The following BRD7 variants were observed in gnomAD, a reference collection of about 807,000 sequenced individuals.
BRD7 encodes the protein bromodomain containing 7.
BRD7 carries 15 observed loss-of-function variants against 82.1 expected under a neutral mutation model. The ratio of observed to expected loss-of-function variants is 0.18; its 90% CI spans 0.12 to 0.28. The LOEUF is 0.28. Among genes scored for constraint, BRD7 ranks in the 10% least tolerant of loss-of-function variants. The pLI is 1.00. For synonymous variants in BRD7, 232 were observed against 266.9 expected, an observed-to-expected ratio of 0.87 and a Z score of 1.27; for missense variants, 638 against 779.9, an observed-to-expected ratio of 0.82 and a Z score of 2.17.
At chr16:50,356,714 GA>G (rs536117005) in intron 2 of BRD7, among the ~76,000 whole-genome samples, 23,522 of 120,576 alleles carry the variant, frequency 0.2, 2,068 homozygotes, top group Middle Eastern at 0.25. Flanking sequence ...TTCCTTAGGG[GA>G]AAAAAAAAAT....
Position 50,368,760 on chromosome 16 carries a change from G to A in BRD7, c.15C>T (p.His5=). The A allele has an allele frequency of 6.4e-7, 1 of 1,550,956 alleles. No homozygotes were observed. Among genetic ancestry groups the A allele is most frequent in the South Asian group, 1.2e-5 (1 of 86,532 alleles). The change falls in exon 1 of 17, where the codon CAC becomes CAT. Residue 5 remains histidine, a synonymous_variant. Transcript: ENST00000394688. MGKK[H]KKHKSDKHLY... ...GGTGTTTGTCCGACTTGTGCTTCTT[G>A]TGCTTCTTGCCCATGTCCGACCGGG...
At chr16:50,335,997 G>C (rs181852851) in intron 6 of BRD7, among the ~76,000 whole-genome samples, 1 of 152,186 alleles carries the variant, frequency 6.6e-6, no homozygotes. Flanking sequence ...ATCCAGAGAA[G>C]AACAGTGTTA....
chr16:50,320,561 C>G, intron 14 of BRD7, 102 bp downstream of exon 14: 1 of 1,384,790 alleles, frequency 7.2e-7, no homozygotes, highest in Non-Finnish European at 1.0e-6. Context: ...AAGCCAAGAT[C>G]TTCCTGTGGT....
chr16:50,353,071 C>G (rs1217104111), intron 4 of BRD7, among the ~76,000 whole-genome samples: 1 of 144,732 alleles, frequency 6.9e-6, no homozygotes, highest in African/African-American at 2.5e-5. Context: ...TCAGTAAGTT[C>G]TTTTTTTTTT....
rs150539401 is a variant in BRD7 at position 50,354,894 on chromosome 16, C to T, written c.287G>A (p.Arg96Gln). The change falls in exon 3 of 17, where the codon CGG becomes CAG. Residue 96 changes from arginine to glutamine, a missense_variant. By Grantham distance (43) the Arg-to-Gln change is conservative. Around this residue, in one of 3 missense-constraint regions of BRD7, gnomAD observed 172 missense variants for 155.3 expected, o/e 1.11. Coordinates refer to ENST00000394688, the MANE Select transcript of BRD7 (RefSeq NM_013263.5). Reference sequence around the variant, plus strand: ...ATCTTTTTCTGCCTCATTCTCCACCCGGTCTCGATCTCGCTTCTTTTTATC... The same window carrying T: ...ATCTTTTTCTGCCTCATTCTCCACCTGGTCTCGATCTCGCTTCTTTTTATC... ...KEDKKKRDRD[R>Q]VENEAEKDLQ... The T allele has an allele frequency of 2.4e-4, 386 of 1,613,794 alleles. 1 individual carries two copies. Among genetic ancestry groups the T allele is most frequent in the Non-Finnish European group, 2.9e-4 (347 of 1,179,982 alleles).
chr16:50,329,943 C>T (rs781536588), intron 8 of BRD7, among the ~76,000 whole-genome samples: 1 of 152,192 alleles, frequency 6.6e-6, no homozygotes, highest in Non-Finnish European at 1.5e-5. Flanking sequence ...CAACTGAGTT[C>T]TGTTTGGCTG....
At chr16:50,361,177 AG>A (rs1188602043) in intron 2 of BRD7, among the ~76,000 whole-genome samples, 2 of 152,236 alleles carry the variant, frequency 1.3e-5, no homozygotes, top group Admixed American at 6.5e-5. Context: ...TCTGGCAGAC[AG>A]TAAACACTCG....
chr16:50,355,459 G>C (rs1326209986), intron 2 of BRD7, among the ~76,000 whole-genome samples: 1 of 152,206 alleles, frequency 6.6e-6, no homozygotes. Flanking sequence ...CGTCTTACCA[G>C]ATATTATTTG....
chr16:50,357,008 C>T (rs2038761955), intron 2 of BRD7, among the ~76,000 whole-genome samples: 1 of 152,136 alleles, frequency 6.6e-6, no homozygotes, highest in Non-Finnish European at 1.5e-5. Flanking sequence ...AGCATGGTCA[C>T]CAGACTGGCA....
Position 50,368,306 on chromosome 16 carries a change from A to G in BRD7, c.50-8T>C. 6.3e-7 allele frequency: 1 copy of G among 1,597,556 alleles called. No individual in the cohort carries two copies. The highest frequency in any genetic ancestry group is 1.1e-5 in the South Asian group (1 of 90,388). ...AGGGCTTCTCTACATACTCTTAAAA[A>G]AAGAAAAGAAAAGAAAGGAAAGCGC... On this transcript the variant is annotated splice_region_variant and splice_polypyrimidine_tract_variant and intron_variant, in intron 1 of 16. Transcript: ENST00000394688.
chr16:50,339,634 C>A (rs796156181), intron 6 of BRD7, among the ~76,000 whole-genome samples: 4 of 152,268 alleles, frequency 2.6e-5, no homozygotes, highest in African/African-American at 9.6e-5. Flanking sequence ...GATTCCACCC[C>A]TACAAATGCA....
At chr16:50,333,358 GT>G (rs1429435733) in intron 8 of BRD7, among the ~76,000 whole-genome samples, 9 of 152,278 alleles carry the variant, frequency 5.9e-5, no homozygotes, top group Admixed American at 2.0e-4. Flanking sequence ...CCCACTGTAA[GT>G]TGAAAATATC....
chr16:50,350,292 T>A, intron 4 of BRD7, 125 bp from the exon 5 acceptor site: 1 of 663,342 alleles, frequency 1.5e-6, no homozygotes, highest in Non-Finnish European at 2.2e-6. Context: ...TTAACATATT[T>A]TTAACTGAAA....
At chr16:50,363,671 G>GCGCA in intron 2 of BRD7, among the ~76,000 whole-genome samples, 1 of 61,976 alleles carries the variant, frequency 1.6e-5, no homozygotes, top group Admixed American at 1.9e-4. Flanking sequence ...GCGCGCGCGC[G>GCGCA]CGTGCGCGTG....
chr16:50,346,337 C>T (rs1373196136), intron 5 of BRD7, among the ~76,000 whole-genome samples: 2 of 152,062 alleles, frequency 1.3e-5, no homozygotes, highest in African/African-American at 4.8e-5. Context: ...AAAATTGATA[C>T]CCTAACATCA....
chr16:50,320,655 A>T lies in BRD7; in HGVS notation c.1612+8T>A. 1 of 1,600,098 alleles carries T rather than the reference A, an allele frequency of 6.2e-7. No individual in the cohort carries two copies. The highest frequency in any genetic ancestry group is 8.6e-7 in the Non-Finnish European group (1 of 1,167,518). ...AGTGTTTCAATCAAACCCTCTGGAG[A>T]CACTTACCTTCAGAGTCAAAAACTT... On this transcript the variant is annotated splice_region_variant and intron_variant, in intron 14 of 16. Transcript: ENST00000394688.
chr16:50,337,528 G>A (rs2037860465), intron 6 of BRD7, among the ~76,000 whole-genome samples: 1 of 151,934 alleles, frequency 6.6e-6, no homozygotes, highest in Non-Finnish European at 1.5e-5. Context: ...CCAAAGTGTT[G>A]GGATTACAGG....
chr16:50,360,243 A>C (rs550043165), intron 2 of BRD7, among the ~76,000 whole-genome samples: 18 of 152,236 alleles, frequency 1.2e-4, no homozygotes, highest in Non-Finnish European at 2.4e-4. Context: ...GAAGTAATTA[A>C]TCATAGGAGA....
intron 5 of BRD7, 76 bp from the exon 6 acceptor site, chr16:50,340,162 C>T (rs1359416903): frequency 5.7e-6 from 4 of 698,382 alleles, no homozygotes; most frequent in Non-Finnish European, 9.2e-6. Context: ...TGAAAATATA[C>T]AGGTCCTCTA....
Sources: allele counts gnomAD v4.1 joint callset (sites outside exome capture counted in the v4.1 genomes callset), GRCh38; gene constraint gnomAD v4.1.1; regional missense constraint gnomAD v4.1.1; transcripts MANE v1.5; gene names NCBI Gene and HGNC (gene_info 2026-07-23, HGNC 2026-07-21).